The following TWIST2 variants were observed in gnomAD, a reference collection of about 807,000 sequenced individuals.
TWIST2 encodes twist family bHLH transcription factor 2.
TWIST2 carries 1 observed loss-of-function variant against 11.6 expected under a neutral mutation model. The observed-to-expected ratio is 0.09, with a 90% CI of 0.03 to 0.41. TWIST2 has a LOEUF of 0.41. Among genes scored for constraint, TWIST2 ranks in the 10% least tolerant of loss-of-function variants. TWIST2 has a pLI of 0.98. For missense variants in TWIST2, 168 were observed against 226.4 expected (o/e 0.74, Z 1.66); for synonymous variants, 87 against 96.6 (o/e 0.90, Z 0.58).
intron 1 of TWIST2, among the ~76,000 whole-genome samples, chr2:238,875,417 C>G (rs1351375067): frequency 3.3e-5 from 5 of 152,062 alleles, no homozygotes. Context: ...AGCTTTCTCT[C>G]TAGCGGAAAA....
intron 1 of TWIST2, among the ~76,000 whole-genome samples, chr2:238,900,655 A>G (rs1693257974): frequency 6.6e-6 from 1 of 151,976 alleles, no homozygotes; most frequent in African/African-American, 2.4e-5. Flanking sequence ...CTGGGTATGG[A>G]CTTTCGGGGC....
intron 1 of TWIST2, among the ~76,000 whole-genome samples, chr2:238,886,175 C>A (rs771030817): frequency 6.6e-6 from 1 of 151,468 alleles, no homozygotes; most frequent in Non-Finnish European, 1.5e-5. Flanking sequence ...GTTCCACAAA[C>A]AACAGAACAG....
intron 1 of TWIST2, among the ~76,000 whole-genome samples, chr2:238,892,299 G>C (rs371648935): frequency 6.6e-6 from 1 of 152,198 alleles, no homozygotes; most frequent in Non-Finnish European, 1.5e-5. Flanking sequence ...CACGAGGAGG[G>C]GGCCCTGGCC....
chr2:238,849,974 A>T (rs1692216902), intron 1 of TWIST2, among the ~76,000 whole-genome samples: 1 of 152,178 alleles, frequency 6.6e-6, no homozygotes, highest in African/African-American at 2.4e-5. Context: ...ACACAGAAGG[A>T]ATTTAGATTA....
At chr2:238,889,906 C>T (rs1693101921) in intron 1 of TWIST2, among the ~76,000 whole-genome samples, 1 of 152,068 alleles carries the variant, frequency 6.6e-6, no homozygotes, top group Non-Finnish European at 1.5e-5. Flanking sequence ...TGTAAGAACC[C>T]ACATGTCGGC....
At chr2:238,868,696 C>T (rs1027389720) in intron 1 of TWIST2, among the ~76,000 whole-genome samples, 1 of 152,236 alleles carries the variant, frequency 6.6e-6, no homozygotes, top group East Asian at 1.9e-4. Context: ...CACCAGCTGC[C>T]ACCATGACCA....
rs1463396962 is a variant in TWIST2 at position 238,903,083 on chromosome 2, GGTGTGTGCTGTGGGGTAT to G, written c.*36-6755_*36-6738del. Among the ~76,000 whole-genome samples the G allele has an allele frequency of 4.5e-3, 586 of 129,002 alleles. 13 individuals are homozygous for G. Among genetic ancestry groups the G allele is most frequent in the African/African-American group, 0.018 (560 of 31,714 alleles). The allele number at this position is 129,002 out of a possible 152,430, so 84.6% of individuals were successfully genotyped here. A position where few individuals can be genotyped will look rare whatever the true frequency, so the allele number is the denominator to read the frequency against. ...GTGTGATGTAGTGTGTGTGATGTGG[GGTGTGTGCTGTGGGGTAT>G]GTGCGTGATGTGAGGTGTGTGTGAT... On this transcript the variant is annotated intron_variant, in intron 1 of 1. Transcript: ENST00000612363.
In TWIST2 at chr2:238,851,268, A is replaced by G. The variant is rs143848704; in HGVS notation, c.*35+2535A>G. Among the ~76,000 whole-genome samples the G allele has an allele frequency of 4.2e-3, 647 of 152,376 alleles. 4 individuals are homozygous for G. The highest frequency in any genetic ancestry group is 0.015 in the African/African-American group (616 of 41,580). On this transcript the variant is annotated intron_variant, in intron 1 of 1. Transcript: ENST00000612363. ...AGATGGTGGAGTGCGGGTGCTGCCG[A>G]TATCTATCCTGCCTTTCTTCTTTGG...
intron 1 of TWIST2, among the ~76,000 whole-genome samples, chr2:238,885,047 T>C (rs1574762862): frequency 6.6e-6 from 1 of 152,058 alleles, no homozygotes; most frequent in African/African-American, 2.4e-5. Flanking sequence ...CGGGTGGGGG[T>C]CAGCCCTGGT....
At chr2:238,869,867 G>C (rs537484665) in intron 1 of TWIST2, among the ~76,000 whole-genome samples, 1 of 152,090 alleles carries the variant, frequency 6.6e-6, no homozygotes, top group Admixed American at 6.5e-5. Flanking sequence ...AGGATCACTT[G>C]AGTCCAGGAG....
intron 1 of TWIST2, among the ~76,000 whole-genome samples, chr2:238,897,819 G>A (rs1005046483): frequency 0.016 from 2,496 of 152,332 alleles, 72 homozygotes; most frequent in African/African-American, 0.056. Flanking sequence ...ACCCGGAGCC[G>A]TCTGGCCCTT....
chr2:238,850,372 A>G (rs1332628146), intron 1 of TWIST2, among the ~76,000 whole-genome samples: 1 of 152,212 alleles, frequency 6.6e-6, no homozygotes, highest in East Asian at 1.9e-4. Context: ...ATGAGCTTCC[A>G]TTAGTTACTT....
chr2:238,894,165 T>C (rs890244238), intron 1 of TWIST2, among the ~76,000 whole-genome samples: 18 of 152,198 alleles, frequency 1.2e-4, no homozygotes, highest in Non-Finnish European at 2.5e-4. Flanking sequence ...AGAATAAAGT[T>C]GGCCTCAGTC....
At chr2:238,853,837 C>T (rs1382766164) in intron 1 of TWIST2, among the ~76,000 whole-genome samples, 1 of 152,218 alleles carries the variant, frequency 6.6e-6, no homozygotes, top group African/African-American at 2.4e-5. Flanking sequence ...ATCTGACGTG[C>T]TTCAGATATC....
intron 1 of TWIST2, among the ~76,000 whole-genome samples, chr2:238,904,296 G>T (rs1693315314): frequency 1.5e-5 from 2 of 137,284 alleles, no homozygotes; most frequent in Non-Finnish European, 3.1e-5. Context: ...TGTGTGTGAT[G>T]GGGGTGTGTC....
chr2:238,848,525 A>C lies in TWIST2; in HGVS notation c.310A>C (p.Ile104Leu), dbSNP rs1692176150. The change falls in exon 1 of 2, where the codon ATC becomes CTC. Residue 104 changes from isoleucine to leucine, a missense_variant. By Grantham distance (5) the Ile-to-Leu change is conservative (BLOSUM62 2). Transcript: ENST00000612363. ...PTLPSDKLSK[I>L]QTLKLAARYI... ...GCTGCCCTCTGACAAGCTGAGCAAG[A>C]TCCAGACGCTCAAGCTGGCCGCCAG... 6.3e-7 allele frequency: 1 copy of C among 1,593,304 alleles called. No homozygotes were observed. Among genetic ancestry groups the C allele is most frequent in the Non-Finnish European group, 8.5e-7 (1 of 1,171,308 alleles).
intron 1 of TWIST2, among the ~76,000 whole-genome samples, chr2:238,852,869 TTAAAA>T (rs762676178): frequency 6.6e-5 from 10 of 152,168 alleles, no homozygotes; most frequent in Non-Finnish European, 1.2e-4. Context: ...TATCTCAAAA[TTAAAA>T]TAAAAAAGAT....
chr2:238,850,128 T>C (rs756474824), intron 1 of TWIST2, among the ~76,000 whole-genome samples: 19 of 152,350 alleles, frequency 1.2e-4, no homozygotes, highest in South Asian at 8.3e-4. Flanking sequence ...TTAGCTTTTA[T>C]TTTGGTGTCA....
chr2:238,877,255 G>C (rs1692824196), intron 1 of TWIST2, among the ~76,000 whole-genome samples: 1 of 152,034 alleles, frequency 6.6e-6, no homozygotes. Flanking sequence ...AAGTCAGCAG[G>C]TTTCTCGCCA....
Sources: allele counts gnomAD v4.1 joint callset (sites outside exome capture counted in the v4.1 genomes callset), GRCh38; gene constraint gnomAD v4.1.1; transcripts MANE v1.5; gene names NCBI Gene and HGNC (gene_info 2026-07-23, HGNC 2026-07-21).